The following KCNH5 variants were observed in gnomAD, a reference collection of about 807,000 sequenced individuals.
The protein encoded by KCNH5 is potassium voltage-gated channel subfamily H member 5, also known as voltage-gated delayed rectifier potassium channel KCNH5.
A neutral mutation model predicts 96.1 loss-of-function variants in KCNH5; 46 were observed. The observed-to-expected ratio is 0.48, with a 90% CI of 0.38 to 0.61. The LOEUF (loss-of-function observed/expected upper bound fraction) is 0.61, where lower values mean the gene tolerates loss of function less well. Among genes scored for constraint, KCNH5 ranks in the 20% least tolerant of loss-of-function variants. KCNH5 has a pLI of 0.00. For missense variants in KCNH5, 907 were observed against 1,225.8 expected, an observed-to-expected ratio of 0.74 and a Z score of 3.88; for synonymous variants, 439 against 449.8, an observed-to-expected ratio of 0.98 and a Z score of 0.30.
chr14:62,822,680 A>AAT (rs1887139546), intron 8 of KCNH5, among the ~76,000 whole-genome samples: 1 of 151,694 alleles, frequency 6.6e-6, no homozygotes, highest in African/African-American at 2.4e-5. Context: ...AAAAAAAAAA[A>AAT]GCTTTTTAGA....
intron 7 of KCNH5, among the ~76,000 whole-genome samples, chr14:62,886,139 C>CACAA (rs1345812057): frequency 1.3e-5 from 2 of 151,724 alleles, no homozygotes; most frequent in African/African-American, 2.4e-5. Flanking sequence ...CACACACACA[C>CACAA]ACACACACAC....
chr14:62,908,068 T>C (rs1472318929), intron 7 of KCNH5, among the ~76,000 whole-genome samples: 1 of 152,220 alleles, frequency 6.6e-6, no homozygotes, highest in Non-Finnish European at 1.5e-5. Flanking sequence ...TATGTATACA[T>C]ACTACACAAA....
At chr14:62,909,121 C>G (rs1889097975) in intron 7 of KCNH5, among the ~76,000 whole-genome samples, 2 of 138,278 alleles carry the variant, frequency 1.4e-5, no homozygotes, top group South Asian at 2.4e-4. Flanking sequence ...TCTCGGCTCA[C>G]TGCAAGCTCC....
At chr14:63,004,050 T>C (rs1203509465) in intron 3 of KCNH5, among the ~76,000 whole-genome samples, 2 of 152,120 alleles carry the variant, frequency 1.3e-5, no homozygotes, top group Admixed American at 1.3e-4. Flanking sequence ...GCATATTCAA[T>C]CAGATGCCGC....
In KCNH5 at chr14:62,769,347, G is replaced by T. The variant is rs143949810; in HGVS notation, c.2019+10381C>A. ...GAATTTGCAGTCCTGATGATCAATT[G>T]AGGTAATGAGAGTTATATCTACACT... On this transcript the variant is annotated intron_variant, in intron 10 of 10. Coordinates refer to ENST00000322893, the MANE Select transcript of KCNH5 (RefSeq NM_139318.5). Among the ~76,000 whole-genome samples the T allele has an allele frequency of 4.6e-5, 7 of 152,254 alleles. No individual in the cohort carries two copies. The East Asian group carries it at 1.4e-3, about 29-fold the overall frequency.
intron 7 of KCNH5, among the ~76,000 whole-genome samples, chr14:62,854,036 A>C (rs1208676128): frequency 6.7e-6 from 1 of 149,362 alleles, no homozygotes; most frequent in Non-Finnish European, 1.5e-5. Flanking sequence ...AACAAAAAAA[A>C]CAACCCTCAT....
At chr14:62,709,912 T>A in intron 10 of KCNH5, among the ~76,000 whole-genome samples, 1 of 152,164 alleles carries the variant, frequency 6.6e-6, no homozygotes, top group Non-Finnish European at 1.5e-5. Flanking sequence ...ATTTTATCAC[T>A]CAAGGAAAAT....
At chr14:62,746,460 T>G (rs1030295337) in intron 10 of KCNH5, among the ~76,000 whole-genome samples, 4 of 152,236 alleles carry the variant, frequency 2.6e-5, no homozygotes, top group African/African-American at 9.6e-5. Flanking sequence ...AAACTACTTC[T>G]CTAAGTTTGC....
chr14:62,707,840 C>G lies in KCNH5; in HGVS notation c.2635G>C (p.Gly879Arg). 1 of 1,614,126 alleles carries G rather than the reference C, an allele frequency of 6.2e-7. No homozygotes were observed. Among genetic ancestry groups the G allele is most frequent in the South Asian group, 1.1e-5 (1 of 91,074 alleles). The change falls in exon 11 of 11, where the codon GGG becomes CGG. Residue 879 changes from glycine to arginine, a missense_variant. This residue lies in a region of KCNH5 where 362 missense variants were observed against 394.4 expected (regional missense o/e 0.92). Transcript: ENST00000322893. Reference protein sequence around the residue: ...TKSDLRLDKAGEARSPLEHSP... With the variant: ...TKSDLRLDKAREARSPLEHSP... ...TGCTCTAGCGGACTTCGGGCCTCCCCAGCCTTATCCAAACGAAGGTCACTT... is the reference window on the plus strand; with the variant it reads ...TGCTCTAGCGGACTTCGGGCCTCCCGAGCCTTATCCAAACGAAGGTCACTT...
intron 6 of KCNH5, among the ~76,000 whole-genome samples, chr14:62,954,139 C>A (rs749092571): frequency 1.3e-5 from 2 of 152,162 alleles, no homozygotes; most frequent in Non-Finnish European, 2.9e-5. Flanking sequence ...AAGTTATTCT[C>A]TCTGTTTAAA....
rs1163054220 is a variant in KCNH5, at chr14:62,703,779, A to T, written c.*3729T>A. On this transcript the variant is annotated 3_prime_UTR_variant, in exon 11 of 11. Coordinates refer to ENST00000322893, the MANE Select transcript of KCNH5 (RefSeq NM_139318.5). Reference sequence around the variant, plus strand: ...AAAGTTATCCATGTATGATATGCACATTCTAGATAAATGTTCTCATTACCT... The same window carrying T: ...AAAGTTATCCATGTATGATATGCACTTTCTAGATAAATGTTCTCATTACCT... 6.6e-6 allele frequency: 1 copy of T among 151,936 alleles called. No individual in the cohort carries two copies. The highest frequency in any genetic ancestry group is 1.5e-5 in the Non-Finnish European group (1 of 67,820). The allele number at this position is 151,936 out of a possible 1,614,324, so 9.4% of individuals were successfully genotyped here.
At chr14:62,800,067 C>T (rs1341717138) in intron 9 of KCNH5, among the ~76,000 whole-genome samples, 1 of 151,462 alleles carries the variant, frequency 6.6e-6, no homozygotes, top group Non-Finnish European at 1.5e-5. Flanking sequence ...CTTAAAACAT[C>T]ATTAAAGCAT....
chr14:62,991,148 A>C (rs1179610787), intron 4 of KCNH5, among the ~76,000 whole-genome samples: 1 of 152,046 alleles, frequency 6.6e-6, no homozygotes, highest in Admixed American at 6.6e-5. Context: ...GTTTTACTGA[A>C]TGGTTTTGTT....
At chr14:62,928,125 T>C (rs1889509567) in intron 7 of KCNH5, among the ~76,000 whole-genome samples, 1 of 152,080 alleles carries the variant, frequency 6.6e-6, no homozygotes, top group Non-Finnish European at 1.5e-5. Context: ...TGAATTCCAA[T>C]AGGAGACCAG....
intron 1 of KCNH5, among the ~76,000 whole-genome samples, chr14:63,034,811 T>C (rs1342197973): frequency 6.6e-6 from 1 of 152,198 alleles, no homozygotes; most frequent in African/African-American, 2.4e-5. Context: ...GAAATTCTAG[T>C]GGTAGGAATA....
At chr14:62,769,567 G>A (rs1012950273) in intron 10 of KCNH5, among the ~76,000 whole-genome samples, 2 of 152,216 alleles carry the variant, frequency 1.3e-5, no homozygotes, top group African/African-American at 4.8e-5. Flanking sequence ...GCAGGACTGT[G>A]CAGAATTTGC....
At chr14:62,982,586 T>C (rs930178274) in intron 5 of KCNH5, among the ~76,000 whole-genome samples, 4 of 152,142 alleles carry the variant, frequency 2.6e-5, no homozygotes, top group Non-Finnish European at 4.4e-5. Flanking sequence ...AAAATAAAAA[T>C]ACTTGTTAGC....
At chr14:62,918,974 TTAAA>T (rs1222435013) in intron 7 of KCNH5, among the ~76,000 whole-genome samples, 1 of 152,120 alleles carries the variant, frequency 6.6e-6, no homozygotes, top group Non-Finnish European at 1.5e-5. Flanking sequence ...ATAGAATTGC[TTAAA>T]TAAAGAATGT....
intron 8 of KCNH5, among the ~76,000 whole-genome samples, chr14:62,841,176 A>G (rs1887577450): frequency 6.6e-6 from 1 of 152,210 alleles, no homozygotes; most frequent in South Asian, 2.1e-4. Flanking sequence ...GAGAAATGAA[A>G]AATAACAAAC....
Sources: allele counts gnomAD v4.1 joint callset (sites outside exome capture counted in the v4.1 genomes callset), GRCh38; gene constraint gnomAD v4.1.1; regional missense constraint gnomAD v4.1.1; transcripts MANE v1.5; gene names NCBI Gene and HGNC (gene_info 2026-07-23, HGNC 2026-07-21).